Variants in RALYL observed in about 807,000 individuals in gnomAD.
RALYL encodes the protein RALY RNA binding protein like.
A neutral mutation model predicts 35.1 loss-of-function variants in RALYL; 29 were observed. That is an observed-to-expected ratio of 0.83 (90% confidence interval 0.61 to 1.13). The LOEUF (loss-of-function observed/expected upper bound fraction) is 1.13, where lower values mean the gene tolerates loss of function less well. RALYL is among the 50% of genes most tolerant of loss of function. RALYL has a pLI of 0.00. For missense variants in RALYL, 359 were observed against 360.4 expected, an observed-to-expected ratio of 1.00 and a Z score of 0.03; for synonymous variants, 120 against 127.6, an observed-to-expected ratio of 0.94 and a Z score of 0.40.
At chr8:84,280,477 G>A (rs1836319853) in intron 1 of RALYL, among the ~76,000 whole-genome samples, 1 of 151,852 alleles carries the variant, frequency 6.6e-6, no homozygotes, top group Admixed American at 6.6e-5. Flanking sequence ...TATTTACAAA[G>A]TTTAAACAAA....
At chr8:84,438,264 G>T (rs2047951630) in intron 1 of RALYL, among the ~76,000 whole-genome samples, 1 of 152,122 alleles carries the variant, frequency 6.6e-6, no homozygotes. Flanking sequence ...AGTTCAATTA[G>T]GTCCTACTTA....
chr8:84,743,042 A>G, intron 2 of RALYL, among the ~76,000 whole-genome samples: 1 of 151,948 alleles, frequency 6.6e-6, no homozygotes, highest in Non-Finnish European at 1.5e-5. Flanking sequence ...ATTTCCTGGC[A>G]ATTTTAGGAA....
At chr8:84,760,484 G>A (rs1415463211) in intron 2 of RALYL, among the ~76,000 whole-genome samples, 1 of 151,938 alleles carries the variant, frequency 6.6e-6, no homozygotes, top group African/African-American at 2.4e-5. Context: ...AAAAATTTTT[G>A]TGATAATCTG....
At chr8:84,523,604 T>C (rs1221747683) in intron 1 of RALYL, among the ~76,000 whole-genome samples, 15 of 151,712 alleles carry the variant, frequency 9.9e-5, no homozygotes, top group African/African-American at 3.6e-4. Context: ...CATGCTGGTG[T>C]GCTGCACCCA....
chr8:84,615,291 G>C (rs560295064), intron 2 of RALYL, among the ~76,000 whole-genome samples: 1 of 149,862 alleles, frequency 6.7e-6, no homozygotes, highest in Admixed American at 6.6e-5. Context: ...TTTCCCAGTT[G>C]TATCAGCTTT....
intron 1 of RALYL, among the ~76,000 whole-genome samples, chr8:84,242,819 T>C (rs1210834455): frequency 1.6e-4 from 24 of 152,210 alleles, no homozygotes; most frequent in Admixed American, 1.6e-3. Context: ...TCATTTCTTT[T>C]GCTGTGCAGA....
chr8:84,249,262 T>C (rs1563607179), intron 1 of RALYL, among the ~76,000 whole-genome samples: 2 of 152,122 alleles, frequency 1.3e-5, no homozygotes, highest in Non-Finnish European at 2.9e-5. Context: ...TGTTGTTCCT[T>C]TTTCCTACTA....
At chr8:84,520,118 AAAAC>A (rs1202492864) in intron 1 of RALYL, among the ~76,000 whole-genome samples, 1 of 152,256 alleles carries the variant, frequency 6.6e-6, no homozygotes, top group Non-Finnish European at 1.5e-5. Context: ...TTCCCGCAGT[AAAAC>A]AAAACAAAAA....
At chr8:84,374,016 G>A (rs1856444718) in intron 1 of RALYL, among the ~76,000 whole-genome samples, 1 of 151,870 alleles carries the variant, frequency 6.6e-6, no homozygotes, top group South Asian at 2.1e-4. Flanking sequence ...CTTGGTTGTT[G>A]TTAGTCTATA....
chr8:84,532,468 T>C (rs2059338419), intron 2 of RALYL, among the ~76,000 whole-genome samples: 1 of 152,080 alleles, frequency 6.6e-6, no homozygotes, highest in African/African-American at 2.4e-5. Flanking sequence ...AAACTCTTTC[T>C]AATCTGCCCT....
At chr8:84,915,446 C>G (rs1385904904) in intron 8 of RALYL, among the ~76,000 whole-genome samples, 1 of 152,002 alleles carries the variant, frequency 6.6e-6, no homozygotes, top group Admixed American at 6.6e-5. Flanking sequence ...TCTTACTGAT[C>G]GTCATACTCT....
At chr8:84,456,382 A>G (rs181964703) in intron 1 of RALYL, among the ~76,000 whole-genome samples, 1 of 152,146 alleles carries the variant, frequency 6.6e-6, no homozygotes, top group East Asian at 1.9e-4. Flanking sequence ...AGGTTCACCA[A>G]TGGTGTATGA....
At chr8:84,369,489 G>A (rs1258343815) in intron 1 of RALYL, among the ~76,000 whole-genome samples, 1 of 151,946 alleles carries the variant, frequency 6.6e-6, no homozygotes, top group African/African-American at 2.4e-5. Context: ...CAGTTAAGTT[G>A]TTTCCTACTT....
intron 4 of RALYL, among the ~76,000 whole-genome samples, chr8:84,807,049 T>G (rs1007019256): frequency 1.3e-5 from 2 of 152,094 alleles, no homozygotes; most frequent in African/African-American, 4.8e-5. Context: ...CTGCTGCCTT[T>G]TTCAGTGAGA....
intron 1 of RALYL, among the ~76,000 whole-genome samples, chr8:84,468,860 T>C (rs978568675): frequency 2.0e-5 from 3 of 152,108 alleles, no homozygotes; most frequent in African/African-American, 7.2e-5. Flanking sequence ...TTCTTTTTTC[T>C]CTAGACTTCC....
At chr8:84,239,784 A>G (rs2131550649) in intron 1 of RALYL, among the ~76,000 whole-genome samples, 1 of 152,120 alleles carries the variant, frequency 6.6e-6, no homozygotes, top group East Asian at 1.9e-4. Flanking sequence ...TCAGCTACCC[A>G]GGAGGATGAA....
chr8:84,845,748 G>T (rs919297146), intron 4 of RALYL, among the ~76,000 whole-genome samples: 1 of 151,990 alleles, frequency 6.6e-6, no homozygotes, highest in African/African-American at 2.4e-5. Context: ...GGATTTCCTA[G>T]GTTTTCTTCT....
At chr8:84,365,389 A>G (rs1344414570) in intron 1 of RALYL, among the ~76,000 whole-genome samples, 1 of 152,172 alleles carries the variant, frequency 6.6e-6, no homozygotes, top group Non-Finnish European at 1.5e-5. Flanking sequence ...CATCTATAGG[A>G]TGAACCAAAT....
chr8:84,405,275 A>C (rs1327097441), intron 1 of RALYL, among the ~76,000 whole-genome samples: 1 of 152,128 alleles, frequency 6.6e-6, no homozygotes, highest in Non-Finnish European at 1.5e-5. Flanking sequence ...GAGATCTAAA[A>C]TCCACACCAT....
Sources: allele counts gnomAD v4.1 joint callset (sites outside exome capture counted in the v4.1 genomes callset), GRCh38; gene constraint gnomAD v4.1.1; transcripts MANE v1.5; gene names NCBI Gene and HGNC (gene_info 2026-07-23, HGNC 2026-07-21).